Variants in SORBS2 observed in about 807,000 individuals in gnomAD.
SORBS2 encodes sorbin and SH3 domain-containing protein 2.
SORBS2 carries 46 observed loss-of-function variants against 97.7 expected under a neutral mutation model. The ratio of observed to expected loss-of-function variants is 0.47; its 90% CI spans 0.37 to 0.60. The LOEUF is 0.60. Among genes scored for constraint, SORBS2 ranks in the 20% least tolerant of loss-of-function variants. SORBS2 has a pLI of 0.00. For synonymous variants in SORBS2, 476 were observed against 473.4 expected (o/e 1.01, Z -0.07); for missense variants, 1,316 against 1,282.3 (o/e 1.03, Z -0.40).
rs897194 is a variant in SORBS2, at chr4:185,925,012, G to A, written c.-338+31184C>T. ...TGACAAGGCTTTTCAGTGAATACAC[G>A]CAGCATTAAAACAATGGCCATATTC... On this transcript the variant is annotated intron_variant, in intron 1 of 20. Transcript: ENST00000284776. 5.8e-3 allele frequency among the ~76,000 whole-genome samples: 888 copies of A among 152,156 alleles called. 9 individuals are homozygous for A. The highest frequency in any genetic ancestry group is 0.021 in the African/African-American group (851 of 41,490).
chr4:185,814,361 C>CA lies in SORBS2; in HGVS notation c.-337-38996dup, dbSNP rs113675433. Among the ~76,000 whole-genome samples, 1,176 of 118,728 alleles carry CA rather than the reference C, an allele frequency of 9.9e-3. 7 individuals are homozygous for CA. Among genetic ancestry groups the CA allele is most frequent in the Non-Finnish European group, 0.011 (628 of 55,060 alleles). 77.9% of individuals were successfully genotyped at this position (118,728 alleles called of 152,430 possible). A position where few individuals can be genotyped will look rare whatever the true frequency, so the allele number is the denominator to read the frequency against. On this transcript the variant is annotated intron_variant, in intron 1 of 20. Transcript: ENST00000284776. ...GTCTAGGCAACAGACTGCATCTCTA[C>CA]AAAAAAAAAAAAAATCAAACAAACA... is the stretch of plus-strand genomic sequence containing the variant.
chr4:185,815,718 T>G (rs138484312), intron 1 of SORBS2, among the ~76,000 whole-genome samples: 1 of 152,346 alleles, frequency 6.6e-6, no homozygotes, highest in East Asian at 1.9e-4. Context: ...TTATACCGTA[T>G]GCACACCTAC....
intron 1 of SORBS2, among the ~76,000 whole-genome samples, chr4:185,896,443 GT>G (rs1196919822): frequency 6.6e-6 from 1 of 152,138 alleles, no homozygotes; most frequent in Non-Finnish European, 1.5e-5. Context: ...AATTAGCTGG[GT>G]TTGTTGGTGC....
chr4:185,608,580 A>G (rs1365779583), intron 12 of SORBS2, among the ~76,000 whole-genome samples: 2 of 152,220 alleles, frequency 1.3e-5, no homozygotes, highest in Admixed American at 1.3e-4. Context: ...TACATTTGAA[A>G]TTTTATGCAA....
In SORBS2 at chr4:185,696,041, G is replaced by A. The variant is rs114641251; in HGVS notation, c.-197-17219C>T. Among the ~76,000 whole-genome samples, 948 of 152,226 alleles carry A rather than the reference G, an allele frequency of 6.2e-3. 11 individuals are homozygous for A. The highest frequency in any genetic ancestry group is 0.022 in the African/African-American group (912 of 41,546). On this transcript the variant is annotated intron_variant, in intron 2 of 20. Coordinates refer to the SORBS2 transcript ENST00000284776. ...TTATTCAGGAGCCGAATTACCCGCG[G>A]CATCTATTTATCTATGCTGAGGCCA...
At chr4:185,728,762 G>C (rs140942266) in intron 2 of SORBS2, among the ~76,000 whole-genome samples, 1 of 152,078 alleles carries the variant, frequency 6.6e-6, no homozygotes, top group African/African-American at 2.4e-5. Context: ...TCATTAAATC[G>C]CCCATTTAGT....
chr4:185,666,130 G>T (rs778460700), intron 4 of SORBS2: 1 of 1,289,734 alleles, frequency 7.8e-7, no homozygotes, highest in African/African-American at 1.5e-5. Context: ...CGGAGGAGAA[G>T]CTTCTGGTGT....
At chr4:185,735,995 C>A (rs897619794) in intron 2 of SORBS2, among the ~76,000 whole-genome samples, 6 of 152,178 alleles carry the variant, frequency 3.9e-5, no homozygotes, top group African/African-American at 1.4e-4. Context: ...CAAGGCAGGG[C>A]CTGTGATATT....
intron 2 of SORBS2, among the ~76,000 whole-genome samples, chr4:185,716,823 G>C (rs1278267991): frequency 6.6e-6 from 1 of 152,154 alleles, no homozygotes; most frequent in Admixed American, 6.5e-5. Context: ...AGAGGCCCAC[G>C]GGGAGGAAAC....
chr4:185,644,591 C>T (rs966919006), intron 4 of SORBS2, among the ~76,000 whole-genome samples: 1 of 152,128 alleles, frequency 6.6e-6, no homozygotes, highest in African/African-American at 2.4e-5. Flanking sequence ...CCATGTGTCC[C>T]TGGGGCAAGG....
rs532273658 is a variant in SORBS2 at position 185,742,654 on chromosome 4, A to G, written c.-198+32573T>C. On this transcript the variant is annotated intron_variant, in intron 2 of 20. Transcript: ENST00000284776. Reference sequence around the variant, plus strand: ...TGCCATTAGCTGTTATCACGGTAACAATAAAAATAAACTTTTAGCAAAGGT... The same window carrying G: ...TGCCATTAGCTGTTATCACGGTAACGATAAAAATAAACTTTTAGCAAAGGT... 2.0e-5 allele frequency among the ~76,000 whole-genome samples: 3 copies of G among 152,374 alleles called. No homozygotes were observed. In the South Asian group the frequency reaches 6.2e-4, roughly 32 times the overall value.
upstream of SORBS2, chr4:185,656,980 A>C: frequency 9.1e-7 from 1 of 1,097,646 alleles, no homozygotes; most frequent in Non-Finnish European, 1.1e-6. Flanking sequence ...ACAGCTTCCA[A>C]TCTCCCGGTG....
At position 185,940,305 on chromosome 4, in the gene SORBS2, C is replaced by T. The variant is rs1376679577; in HGVS notation, c.-338+15891G>A. 2.6e-5 allele frequency among the ~76,000 whole-genome samples: 4 copies of T among 152,216 alleles called. No homozygotes were observed. In the East Asian group the frequency reaches 7.7e-4, roughly 29 times the overall value. ...ACCACTTGCAGGATCCCAAATGGCA[C>T]ACGGCCTAGACAGAATTACTGATTT... On this transcript the variant is annotated intron_variant, in intron 1 of 20. Coordinates refer to the SORBS2 transcript ENST00000284776.
At chr4:185,748,392 T>A (rs1003104068) in intron 2 of SORBS2, among the ~76,000 whole-genome samples, 3 of 152,218 alleles carry the variant, frequency 2.0e-5, no homozygotes, top group African/African-American at 7.2e-5. Context: ...AATATTTTCA[T>A]AGTCTAGTCT....
intron 4 of SORBS2, 36 bp from the exon 16 acceptor site, chr4:185,635,447 G>A: frequency 4.6e-6 from 7 of 1,509,718 alleles, no homozygotes; most frequent in Non-Finnish European, 6.4e-6. Flanking sequence ...AGAAGTGTAG[G>A]GATGGAATGG....
At chr4:185,591,515 T>G (rs1403134480) in intron 13 of SORBS2, among the ~76,000 whole-genome samples, 1 of 152,190 alleles carries the variant, frequency 6.6e-6, no homozygotes, top group African/African-American at 2.4e-5. Flanking sequence ...ATTTATTTTG[T>G]TGCTTGTGTA....
upstream of SORBS2, among the ~76,000 whole-genome samples, chr4:185,658,960 C>A (rs1177920470): frequency 6.6e-6 from 1 of 152,076 alleles, no homozygotes; most frequent in African/African-American, 2.4e-5. Flanking sequence ...CCCGCCTCGG[C>A]CTCCCAAAGT....
At chr4:185,611,950 C>T (rs1448711686) in exon 12 of SORBS2, 7 of 1,612,270 alleles carry the variant, frequency 4.3e-6, no homozygotes, top group Non-Finnish European at 5.9e-6. Flanking sequence ...CAGTTTTGAT[C>T]AACTCTTTTA....
chr4:185,870,909 T>C (rs1357576051), intron 1 of SORBS2, among the ~76,000 whole-genome samples: 1 of 152,210 alleles, frequency 6.6e-6, no homozygotes, highest in East Asian at 1.9e-4. Context: ...GTGCGAGGAT[T>C]TGAGGAGACA....
Sources: allele counts gnomAD v4.1 joint callset (sites outside exome capture counted in the v4.1 genomes callset), GRCh38; gene constraint gnomAD v4.1.1; transcripts MANE v1.5; gene names NCBI Gene and HGNC (gene_info 2026-07-23, HGNC 2026-07-21).